ZC3H6: variants seen among roughly 807,000 people sequenced by gnomAD.
ZC3H6 encodes zinc finger CCCH-type containing 6.
A neutral mutation model predicts 107.7 loss-of-function variants in ZC3H6; 40 were observed. The ratio of observed to expected loss-of-function variants is 0.37; its 90% confidence interval spans 0.29 to 0.48. The LOEUF is 0.48. Among genes scored for constraint, ZC3H6 ranks in the 20% least tolerant of loss-of-function variants. The pLI, the probability that ZC3H6 is intolerant of heterozygous loss-of-function variation, is 0.98. For missense variants in ZC3H6, 1,267 were observed against 1,410.4 expected (o/e 0.90, Z 1.63); for synonymous variants, 493 against 487.9 (o/e 1.01, Z -0.14).
Position 112,317,358 on chromosome 2 carries a change from A to G in ZC3H6, c.976+26A>G, listed in dbSNP as rs947426597. 8 of 1,247,292 alleles carry G rather than the reference A, an allele frequency of 6.4e-6. No individual in the cohort carries two copies. In the African/African-American group the frequency reaches 1.2e-4, roughly 19 times the overall value. 77.3% of individuals were successfully genotyped at this position (1,247,292 alleles called of 1,614,324 possible). On this transcript the variant is annotated intron_variant, in intron 7 of 11. Coordinates refer to ENST00000409871, the MANE Select transcript of ZC3H6 (RefSeq NM_198581.3). ...ATATCCTTTATTTAAAATGTATGTTAAATAAAATGCTGGGGTTTTAAAGCA... is the reference window on the plus strand; with the variant it reads ...ATATCCTTTATTTAAAATGTATGTTGAATAAAATGCTGGGGTTTTAAAGCA...
At position 112,339,729 on chromosome 2, in the gene ZC3H6, T is replaced by A. The variant is rs1677208448; in HGVS notation, c.*7241T>A. 2.0e-5 allele frequency: 3 copies of A among 152,116 alleles called. No homozygotes were observed. The highest frequency in any genetic ancestry group is 7.2e-5 in the African/African-American group (3 of 41,418). 9.4% of individuals were successfully genotyped at this position (152,116 alleles called of 1,614,324 possible). On this transcript the variant is annotated 3_prime_UTR_variant, in exon 12 of 12. Coordinates refer to ENST00000409871, the MANE Select transcript of ZC3H6 (RefSeq NM_198581.3). Reference sequence around the variant, plus strand: ...TTTTTTTTTTAACTTTCTACTGTAATTATTTCAGTTCCCCGAAGTTGTATC... The same window carrying A: ...TTTTTTTTTTAACTTTCTACTGTAAATATTTCAGTTCCCCGAAGTTGTATC...
intron 8 of ZC3H6, 129 bp from the exon 9 acceptor site, chr2:112,322,520 C>T: frequency 5.8e-6 from 6 of 1,027,746 alleles, no homozygotes; most frequent in Middle Eastern, 3.2e-4. Context: ...AGATTAAAGG[C>T]GTGAGCCACT....
chr2:112,317,198 C>CTTTTTTCT (rs1676713001), intron 6 of ZC3H6, 23 bp from the exon 7 acceptor site: 5 of 1,027,104 alleles, frequency 4.9e-6, no homozygotes, highest in Middle Eastern at 2.6e-4. Flanking sequence ...TTTCTTTTTT[C>CTTTTTTCT]TTTTTTTTTT....
rs1677191725 is a variant in ZC3H6, at chr2:112,338,895, ATATATATATATATATATAAT to A, written c.*6409_*6428del. The A allele has an allele frequency of 5.5e-5, 1 of 18,074 alleles. No homozygotes were observed. Among genetic ancestry groups the A allele is most frequent in the African/African-American group, 1.1e-3 (1 of 938 alleles). The allele number at this position is 18,074 out of a possible 1,614,324, so 1.1% of individuals were successfully genotyped here. On this transcript the variant is annotated 3_prime_UTR_variant, in exon 12 of 12. Transcript: ENST00000409871. Reference sequence around the variant, plus strand: ...TATATATATATATATATATATATATATATATATATATATATATAATTTTTTTTTTTTGAGACGGAGTCTTG... The same window carrying A: ...TATATATATATATATATATATATATATTTTTTTTTTTGAGACGGAGTCTTG...
intron 1 of ZC3H6, among the ~76,000 whole-genome samples, chr2:112,296,094 G>C (rs932163285): frequency 6.6e-6 from 1 of 152,086 alleles, no homozygotes; most frequent in Admixed American, 6.5e-5. Flanking sequence ...TGTATAACTT[G>C]ATGGGTTTTT....
At chr2:112,321,602 T>C (rs1573963071) in intron 7 of ZC3H6, among the ~76,000 whole-genome samples, 154 bp from the exon 8 acceptor site, 1 of 152,068 alleles carries the variant, frequency 6.6e-6, no homozygotes, top group East Asian at 1.9e-4. Flanking sequence ...TTAACAAAAT[T>C]TTAAGTATAC....
chr2:112,330,011 G>A (rs1404249780), intron 11 of ZC3H6, among the ~76,000 whole-genome samples: 1 of 151,820 alleles, frequency 6.6e-6, no homozygotes, highest in African/African-American at 2.4e-5. Flanking sequence ...TTAAGAGTAA[G>A]ACTCAAAGTG....
chr2:112,303,328 G>A lies in ZC3H6; in HGVS notation c.313G>A (p.Asp105Asn). ...SHKKRTGFYR[D>N]YDIPFTQRGH... ...TAAAAAAAGAACTGGTTTCTACAGGGATTATGACATTCCATTTACTCAGGT... is the reference window on the plus strand; with the variant it reads ...TAAAAAAAGAACTGGTTTCTACAGGAATTATGACATTCCATTTACTCAGGT... The change falls in exon 3 of 12, where the codon GAT becomes AAT. Residue 105 changes from aspartate (D) to asparagine (N), a missense_variant. Coordinates refer to ENST00000409871, the MANE Select transcript of ZC3H6 (RefSeq NM_198581.3). The A allele has an allele frequency of 6.2e-7, 1 of 1,612,590 alleles. No homozygotes were observed. The highest frequency in any genetic ancestry group is 8.5e-7 in the Non-Finnish European group (1 of 1,179,218).
At chr2:112,295,298 G>A (rs4332934) in intron 1 of ZC3H6, among the ~76,000 whole-genome samples, 77,562 of 151,996 alleles carry the variant, frequency 0.51, 21,989 homozygotes, top group East Asian at 0.77. Context: ...TTAATTGACT[G>A]AGGAACTTAT....
intron 3 of ZC3H6, among the ~76,000 whole-genome samples, chr2:112,304,596 C>A (rs954134900): frequency 5.9e-5 from 9 of 152,160 alleles, no homozygotes; most frequent in Non-Finnish European, 1.3e-4. Flanking sequence ...TGGATTAGAG[C>A]CCACTTTAAC....
At chr2:112,299,793 T>C (rs536365496) in intron 1 of ZC3H6, 56 bp from the exon 2 acceptor site, 1 of 1,243,528 alleles carries the variant, frequency 8.0e-7, no homozygotes, top group South Asian at 2.7e-5. Flanking sequence ...TTTGAAAATC[T>C]TTCTGTAAGA....
At position 112,275,940 on chromosome 2, in the gene ZC3H6, G is replaced by A; in HGVS notation, c.-55G>A. On this transcript the variant is annotated 5_prime_UTR_variant, in exon 1 of 12. Coordinates refer to ENST00000409871, the MANE Select transcript of ZC3H6 (RefSeq NM_198581.3). ...GCGCGGGGGGTCTTCCCCGCGCCCC[G>A]CCGCCGCCGGCCTCGCAGACCTGCC... 1.4e-6 allele frequency: 2 copies of A among 1,469,812 alleles called. No homozygotes were observed. Among genetic ancestry groups the A allele is most frequent in the Non-Finnish European group, 1.8e-6 (2 of 1,102,226 alleles). The allele number at this position is 1,469,812 out of a possible 1,614,324, so 91.0% of individuals were successfully genotyped here.
rs1677061779 is a variant in ZC3H6, at chr2:112,332,753, A to T, written c.*265A>T. On this transcript the variant is annotated 3_prime_UTR_variant, in exon 12 of 12. Transcript: ENST00000409871. ...CTTTTATTGTAAATAAACAATCATG[A>T]ACTCAACACTCTGCCTGAATATATG... The T allele has an allele frequency of 7.7e-6, 2 of 259,648 alleles. No homozygotes were observed. Among genetic ancestry groups the T allele is most frequent in the Non-Finnish European group, 1.4e-5 (2 of 139,002 alleles). 16.1% of individuals were successfully genotyped at this position (259,648 alleles called of 1,614,324 possible).
At chr2:112,290,360 C>G (rs1426127049) in intron 1 of ZC3H6, among the ~76,000 whole-genome samples, 1 of 152,262 alleles carries the variant, frequency 6.6e-6, no homozygotes, top group East Asian at 1.9e-4. Context: ...TCCCCTATCT[C>G]TCAGGCAGAC....
intron 5 of ZC3H6, among the ~76,000 whole-genome samples, chr2:112,315,765 T>C (rs1271877499): frequency 6.6e-6 from 1 of 151,986 alleles, no homozygotes; most frequent in Admixed American, 6.6e-5. Context: ...ACCTGGCTAA[T>C]TTTTTGTATT....
At chr2:112,288,063 T>G (rs1686643405) in intron 1 of ZC3H6, among the ~76,000 whole-genome samples, 1 of 152,222 alleles carries the variant, frequency 6.6e-6, no homozygotes, top group Admixed American at 6.5e-5. Flanking sequence ...ATACTCCATT[T>G]TATGTTTTAT....
At chr2:112,281,078 A>G (rs1282315451) in intron 1 of ZC3H6, among the ~76,000 whole-genome samples, 3 of 152,220 alleles carry the variant, frequency 2.0e-5, no homozygotes, top group Non-Finnish European at 4.4e-5. Flanking sequence ...GTGTAATGAA[A>G]CATATTTTCT....
chr2:112,313,323 A>T (rs901985956), intron 5 of ZC3H6, among the ~76,000 whole-genome samples: 13 of 152,162 alleles, frequency 8.5e-5, no homozygotes, highest in African/African-American at 2.9e-4. Flanking sequence ...ATCTTCTTAG[A>T]CACCAGTAGA....
At chr2:112,292,000 A>C (rs918703271) in intron 1 of ZC3H6, among the ~76,000 whole-genome samples, 4 of 152,246 alleles carry the variant, frequency 2.6e-5, no homozygotes, top group Non-Finnish European at 5.9e-5. Context: ...TACAGGCGTG[A>C]GCCACTGTGT....
Sources: gnomAD v4.1 joint callset for allele counts (sites outside exome capture counted in the v4.1 genomes callset) on GRCh38, gnomAD v4.1.1 for gene constraint, MANE v1.5 for transcripts, NCBI Gene and HGNC (gene_info 2026-07-23, HGNC 2026-07-21) for gene names.